Variants in PLEKHG7 observed in about 807,000 individuals in gnomAD.
PLEKHG7 encodes the protein pleckstrin homology domain-containing family G member 7.
A neutral mutation model predicts 85.2 loss-of-function variants in PLEKHG7; 77 were observed. The ratio of observed to expected loss-of-function variants is 0.90; its 90% confidence interval spans 0.75 to 1.09. The LOEUF (loss-of-function observed/expected upper bound fraction) is 1.09. Ranked by LOEUF, PLEKHG7 falls within the 50% of genes least tolerant of loss-of-function variation. The pLI, the probability that PLEKHG7 is intolerant of heterozygous loss-of-function variation, is 0.00. For synonymous variants in PLEKHG7, 301 were observed against 302.4 expected (o/e 1.00, Z 0.05); for missense variants, 777 against 804.3 (o/e 0.97, Z 0.41).
In PLEKHG7 at chr12:92,749,907, ATTTAT is replaced by A. The variant is rs5800080; in HGVS notation, c.1252-4165_1252-4161del. 5.1e-4 allele frequency among the ~76,000 whole-genome samples: 64 copies of A among 124,386 alleles called. 2 individuals are homozygous for A. In the South Asian group the frequency reaches 0.01, roughly 20 times the overall value. 81.6% of individuals were successfully genotyped at this position (124,386 alleles called of 152,430 possible). A position where few individuals can be genotyped will look rare whatever the true frequency, so the allele number is the denominator to read the frequency against. ...TTTTTATTTTATTTTATTTTATTTC[ATTTAT>A]TTTATTTTATTTTATTTATTTTATT... On this transcript the variant is annotated intron_variant, in intron 10 of 16. Coordinates refer to ENST00000344636, the MANE Select transcript of PLEKHG7 (RefSeq NM_001377329.1).
At position 92,732,221 on chromosome 12, in the gene PLEKHG7, A is replaced by T. The variant is rs1872011485; in HGVS notation, c.659-12A>T. 1 of 1,227,394 alleles carries T rather than the reference A, an allele frequency of 8.1e-7. No homozygotes were observed. Among genetic ancestry groups the T allele is most frequent in the Non-Finnish European group, 1.0e-6 (1 of 983,808 alleles). 76.0% of individuals were successfully genotyped at this position (1,227,394 alleles called of 1,614,324 possible). A position where few individuals can be genotyped will look rare whatever the true frequency, so the allele number is the denominator to read the frequency against. On this transcript the variant is annotated splice_polypyrimidine_tract_variant and intron_variant, in intron 4 of 16. Transcript: ENST00000344636. ...GTACTCGTAATAATATATTGTCTTTAATTTCACCCAGAATCCAAAAAGCCA... is the reference window on the plus strand; with the variant it reads ...GTACTCGTAATAATATATTGTCTTTTATTTCACCCAGAATCCAAAAAGCCA...
chr12:92,758,044 C>G (rs79664920), intron 13 of PLEKHG7, among the ~76,000 whole-genome samples: 3,564 of 152,280 alleles, frequency 0.023, 143 homozygotes, highest in African/African-American at 0.08. Context: ...CATTTGAAAA[C>G]ATAACAATTT....
At chr12:92,753,963 C>T in intron 10 of PLEKHG7, 127 bp from the exon 11 acceptor site, 2 of 876,552 alleles carry the variant, frequency 2.3e-6, no homozygotes, top group Non-Finnish European at 1.8e-6. Context: ...ATAAATTGTC[C>T]CAGCAAACTC....
chr12:92,730,858 T>C (rs1181032145), intron 4 of PLEKHG7, among the ~76,000 whole-genome samples: 1 of 152,210 alleles, frequency 6.6e-6, no homozygotes, highest in African/African-American at 2.4e-5. Flanking sequence ...TCGTGGTAGA[T>C]ACCACACAGC....
intron 9 of PLEKHG7, among the ~76,000 whole-genome samples, chr12:92,741,919 A>C (rs1872368727): frequency 6.6e-6 from 1 of 152,230 alleles, no homozygotes; most frequent in Admixed American, 6.5e-5. Flanking sequence ...TACGTAATTC[A>C]GTTGTTTTAA....
At chr12:92,725,534 G>A (rs1434685128) in intron 3 of PLEKHG7, among the ~76,000 whole-genome samples, 1 of 152,120 alleles carries the variant, frequency 6.6e-6, no homozygotes, top group Admixed American at 6.5e-5. Flanking sequence ...CTGATCTGGT[G>A]GAGACATGGA....
chr12:92,739,469 C>G (rs1457288225), intron 7 of PLEKHG7, among the ~76,000 whole-genome samples: 1 of 152,142 alleles, frequency 6.6e-6, no homozygotes, highest in Non-Finnish European at 1.5e-5. Flanking sequence ...GAACGAAGCC[C>G]CTGAGTTATG....
chr12:92,760,487 G>A (rs1428106454), intron 13 of PLEKHG7, among the ~76,000 whole-genome samples: 1 of 151,886 alleles, frequency 6.6e-6, no homozygotes, highest in Non-Finnish European at 1.5e-5. Context: ...TCTTCTAGGG[G>A]TAAAAACATA....
At chr12:92,769,408 T>A (rs561509684) in intron 16 of PLEKHG7, among the ~76,000 whole-genome samples, 1 of 152,176 alleles carries the variant, frequency 6.6e-6, no homozygotes, top group East Asian at 1.9e-4. Context: ...GGGGGAAGAA[T>A]TGATTTGGAT....
intron 13 of PLEKHG7, among the ~76,000 whole-genome samples, chr12:92,759,376 C>T (rs775788549): frequency 1.4e-4 from 22 of 152,164 alleles, no homozygotes; most frequent in Non-Finnish European, 2.6e-4. Flanking sequence ...TGACAATGAT[C>T]ATTGAGCTGA....
In PLEKHG7 at chr12:92,740,938, A is replaced by C. The variant is rs1872337794; in HGVS notation, c.1025A>C (p.Glu342Ala). 3.7e-6 allele frequency: 6 copies of C among 1,607,386 alleles called. No individual in the cohort carries two copies. Among genetic ancestry groups the C allele is most frequent in the Non-Finnish European group, 5.1e-6 (6 of 1,174,704 alleles). The change falls in exon 8 of 17, where the codon GAG becomes GCG. Residue 342 changes from glutamate (E) to alanine (A), a missense_variant. By Grantham distance (107) the Glu-to-Ala change is moderately radical. Around this residue, in one of 3 missense-constraint regions of PLEKHG7, gnomAD observed 520 missense variants for 544.0 expected, o/e 0.96. Transcript: ENST00000344636. ...TGGAGACTTTTTGCAAACCTGGAGG[A>C]GTTAACTCAGGTGAGCCAAGTAGGA... ...DLWRLFANLE[E>A]LTQTSLGFVN...
At chr12:92,720,232 G>A (rs932903060) in intron 3 of PLEKHG7, among the ~76,000 whole-genome samples, 5 of 152,028 alleles carry the variant, frequency 3.3e-5, no homozygotes, top group East Asian at 3.9e-4. Flanking sequence ...TCATCCAGGC[G>A]TTCATTGGCT....
At chr12:92,750,250 C>G (rs528706297) in intron 10 of PLEKHG7, among the ~76,000 whole-genome samples, 1 of 151,890 alleles carries the variant, frequency 6.6e-6, no homozygotes, top group African/African-American at 2.4e-5. Context: ...AATAAAAAGG[C>G]CTTTTATGTC....
In PLEKHG7 at chr12:92,770,123, T is replaced by C. The variant is rs921428927; in HGVS notation, c.2004T>C (p.Ser668=). The C allele has an allele frequency of 6.2e-7, 1 of 1,607,016 alleles. No individual in the cohort carries two copies. Among genetic ancestry groups the C allele is most frequent in the Non-Finnish European group, 8.5e-7 (1 of 1,177,842 alleles). The change falls in exon 17 of 17, where the codon TCT becomes TCC. Residue 668 remains serine (S), a synonymous_variant. Transcript: ENST00000344636. ...TGGCACAAATAACAACTGCAATTTC[T>C]TGCTTTACCAAGAGTCAGGAAACCA... The part of the protein sequence containing the change: ...TWMAQITTAI[S]CFTKSQETKK...
intron 3 of PLEKHG7, among the ~76,000 whole-genome samples, chr12:92,719,795 C>T (rs893907475): frequency 3.1e-4 from 47 of 152,182 alleles, no homozygotes; most frequent in Non-Finnish European, 1.5e-5. Flanking sequence ...AAAAGGGGAG[C>T]TTTGAATTAA....
chr12:92,759,638 T>C (rs1413316178), intron 13 of PLEKHG7, among the ~76,000 whole-genome samples: 1 of 152,230 alleles, frequency 6.6e-6, no homozygotes, highest in Admixed American at 6.5e-5. Context: ...GAGCTCACTC[T>C]CTCTGTTTGC....
At chr12:92,729,155 C>T in intron 4 of PLEKHG7, 35 bp downstream of exon 4, 1 of 1,231,196 alleles carries the variant, frequency 8.1e-7, no homozygotes, top group South Asian at 4.1e-5. Context: ...ATTCCATGCC[C>T]ACTGTGGAAC....
At chr12:92,714,251 G>T (rs575538878) in intron 3 of PLEKHG7, among the ~76,000 whole-genome samples, 1 of 152,190 alleles carries the variant, frequency 6.6e-6, no homozygotes, top group Non-Finnish European at 1.5e-5. Context: ...CCCAGACAAA[G>T]GTGGAAAGGC....
At chr12:92,731,698 G>A (rs898007820) in intron 4 of PLEKHG7, among the ~76,000 whole-genome samples, 6 of 152,214 alleles carry the variant, frequency 3.9e-5, no homozygotes, top group Non-Finnish European at 7.3e-5. Flanking sequence ...GTAGCAAGAA[G>A]CCCCGACATG....
Sources: gnomAD v4.1 joint callset for allele counts (sites outside exome capture counted in the v4.1 genomes callset) on GRCh38, gnomAD v4.1.1 for gene constraint, gnomAD v4.1.1 regional missense constraint, MANE v1.5 for transcripts, NCBI Gene and HGNC (gene_info 2026-07-23, HGNC 2026-07-21) for gene names.